SATB2: variants seen among roughly 807,000 people sequenced by gnomAD.
The protein encoded by SATB2 is DNA-binding protein SATB2.
A neutral mutation model predicts 73.4 loss-of-function variants in SATB2; 1 was observed. The observed-to-expected ratio is 0.01, with a 90% confidence interval of 0.00 to 0.06. The LOEUF is 0.06. Among genes scored for constraint, SATB2 ranks in the 10% least tolerant of loss-of-function variants. The pLI, the probability that SATB2 is intolerant of heterozygous loss-of-function variation, is 1.00. For missense variants in SATB2, 459 were observed against 945.8 expected (o/e 0.49, Z 6.75); for synonymous variants, 397 against 367.0 (o/e 1.08, Z -0.93).
At chr2:199,281,534 G>C (rs1033958243) in intron 10 of SATB2, among the ~76,000 whole-genome samples, 1 of 151,904 alleles carries the variant, frequency 6.6e-6, no homozygotes, top group Non-Finnish European at 1.5e-5. Flanking sequence ...TTGGTTGAAA[G>C]TCCTTATGCA....
intron 7 of SATB2, among the ~76,000 whole-genome samples, chr2:199,345,260 C>G (rs1688616061): frequency 6.6e-6 from 1 of 152,032 alleles, no homozygotes; most frequent in Non-Finnish European, 1.5e-5. Flanking sequence ...TTCCTAGCGC[C>G]AAACTCATAT....
intron 2 of SATB2, among the ~76,000 whole-genome samples, chr2:199,436,301 G>A (rs1176683644): frequency 1.3e-5 from 2 of 152,066 alleles, no homozygotes; most frequent in Non-Finnish European, 2.9e-5. Flanking sequence ...TTTTATAACC[G>A]TCAATTACTG....
chr2:199,362,353 A>AC (rs1434227500), intron 6 of SATB2, among the ~76,000 whole-genome samples: 1 of 134,072 alleles, frequency 7.5e-6, no homozygotes, highest in Non-Finnish European at 1.6e-5. Flanking sequence ...TCTCTCCCTA[A>AC]CCGCCCACCC....
At chr2:199,326,034 C>T (rs1172115218) in intron 8 of SATB2, 5 of 152,128 alleles carry the variant, frequency 3.3e-5, no homozygotes, top group East Asian at 3.9e-4. Context: ...AAATAATCTC[C>T]CTGCATCAAT....
At chr2:199,429,138 C>T (rs1186307934) in intron 3 of SATB2, among the ~76,000 whole-genome samples, 3 of 151,650 alleles carry the variant, frequency 2.0e-5, no homozygotes, top group Non-Finnish European at 4.4e-5. Flanking sequence ...AACAGAAATA[C>T]ATCTGTATCA....
chr2:199,392,758 A>G (rs1183460776), intron 3 of SATB2, among the ~76,000 whole-genome samples: 2 of 152,202 alleles, frequency 1.3e-5, no homozygotes, highest in African/African-American at 4.8e-5. Context: ...AACAAGAAAC[A>G]AACTCCCCTG....
chr2:199,394,435 G>A (rs907174331), intron 3 of SATB2, among the ~76,000 whole-genome samples: 2 of 152,094 alleles, frequency 1.3e-5, no homozygotes, highest in African/African-American at 4.8e-5. Context: ...CGGTAAGAAA[G>A]ATAAGAAGAT....
intron 10 of SATB2, among the ~76,000 whole-genome samples, chr2:199,279,934 A>G (rs1692431965): frequency 6.6e-6 from 1 of 152,192 alleles, no homozygotes; most frequent in Non-Finnish European, 1.5e-5. Flanking sequence ...TGAGTTCAGG[A>G]GTTCAAGACC....
intron 3 of SATB2, among the ~76,000 whole-genome samples, chr2:199,383,248 C>T (rs750732353): frequency 1.9e-4 from 29 of 152,100 alleles, no homozygotes; most frequent in Non-Finnish European, 4.0e-4. Context: ...AGTCATATTT[C>T]ACTTGCCAAG....
chr2:199,433,587 A>T (rs1197633908), intron 2 of SATB2, 73 bp from the exon 3 acceptor site: 1 of 1,410,406 alleles, frequency 7.1e-7, no homozygotes, highest in African/African-American at 1.4e-5. Context: ...TGAGAAGGGA[A>T]GCAACAGTTA....
intron 3 of SATB2, among the ~76,000 whole-genome samples, chr2:199,426,065 G>C (rs1436521971): frequency 6.6e-6 from 1 of 152,114 alleles, no homozygotes. Flanking sequence ...GAGAGCCACA[G>C]AATTTTTTAA....
rs1399561560 is a variant in SATB2, at chr2:199,270,207, ATGTCAAGATAAT to A, written c.*1992_*2003del. ...CCTTTTGCAAAGGTATATGACGCTT[ATGTCAAGATAAT>A]TTTTAAACATCATTATTTGAAAAAG... On this transcript the variant is annotated 3_prime_UTR_variant, in exon 11 of 11. Transcript: ENST00000417098. The A allele has an allele frequency of 4.6e-5, 7 of 152,794 alleles. No individual in the cohort carries two copies. The highest frequency in any genetic ancestry group is 8.8e-5 in the Non-Finnish European group (6 of 68,038). The allele number at this position is 152,794 out of a possible 1,614,324, so 9.5% of individuals were successfully genotyped here.
chr2:199,320,243 C>T (rs1687849087), intron 9 of SATB2, among the ~76,000 whole-genome samples: 1 of 152,050 alleles, frequency 6.6e-6, no homozygotes, highest in Non-Finnish European at 1.5e-5. Flanking sequence ...TACTAAGAAC[C>T]CCTAACTCCT....
At chr2:199,385,099 T>C (rs1689890103) in intron 3 of SATB2, among the ~76,000 whole-genome samples, 1 of 152,148 alleles carries the variant, frequency 6.6e-6, no homozygotes, top group Non-Finnish European at 1.5e-5. Context: ...TCCTTTGACC[T>C]GTAAGTAGAT....
chr2:199,402,561 TC>T (rs1400033162), intron 3 of SATB2, among the ~76,000 whole-genome samples: 1 of 152,172 alleles, frequency 6.6e-6, no homozygotes, highest in East Asian at 1.9e-4. Context: ...AGACTCCGTT[TC>T]AAAACAAAAT....
upstream of SATB2, among the ~76,000 whole-genome samples, chr2:199,467,678 C>T (rs1272005989): frequency 6.6e-6 from 1 of 152,200 alleles, no homozygotes; most frequent in African/African-American, 2.4e-5. Context: ...GAATCCCCAC[C>T]ACATTCTTTA....
upstream of SATB2, chr2:199,458,482 G>T: frequency 2.6e-6 from 1 of 390,692 alleles, no homozygotes. Flanking sequence ...CGCGGCCAGC[G>T]GGTGGGTGCG....
chr2:199,447,047 A>AGTT (rs1265709595), intron 2 of SATB2, among the ~76,000 whole-genome samples: 1 of 152,118 alleles, frequency 6.6e-6, no homozygotes, highest in African/African-American at 2.4e-5. Context: ...GGGTAACCCG[A>AGTT]GTTATCCCCA....
At chr2:199,424,541 A>G (rs1691271944) in intron 3 of SATB2, among the ~76,000 whole-genome samples, 1 of 152,222 alleles carries the variant, frequency 6.6e-6, no homozygotes, top group Non-Finnish European at 1.5e-5. Context: ...TCCCATAGGA[A>G]TGTAAAAATA....
Sources: allele counts gnomAD v4.1 joint callset (sites outside exome capture counted in the v4.1 genomes callset), GRCh38; gene constraint gnomAD v4.1.1; transcripts MANE v1.5; gene names NCBI Gene and HGNC (gene_info 2026-07-23, HGNC 2026-07-21).